The following PDE4D variants were observed in gnomAD, a reference collection of about 807,000 sequenced individuals.
PDE4D encodes the protein 3',5'-cyclic-AMP phosphodiesterase 4D.
Under a neutral mutation model 87.4 loss-of-function variants are expected in PDE4D, and 24 were observed. The ratio of observed to expected loss-of-function variants is 0.27; its 90% CI spans 0.20 to 0.39. PDE4D has a LOEUF of 0.39. Ranked by LOEUF, PDE4D falls within the 10% of genes least tolerant of loss-of-function variation. The pLI, the probability that PDE4D is intolerant of heterozygous loss-of-function variation, is 1.00. For missense variants in PDE4D, 714 were observed against 1,041.0 expected (o/e 0.69, Z 4.32); for synonymous variants, 384 against 383.2 (o/e 1.00, Z -0.02).
Position 59,108,202 on chromosome 5 carries a change from A to G in PDE4D, c.809-69231T>C, listed in dbSNP as rs116691352. Among the ~76,000 whole-genome samples, 746 of 152,348 alleles carry G rather than the reference A, an allele frequency of 4.9e-3. 6 individuals carry two copies. The highest frequency in any genetic ancestry group is 0.017 in the African/African-American group (715 of 41,570). On this transcript the variant is annotated intron_variant, in intron 5 of 14. Coordinates refer to ENST00000340635, the MANE Select transcript of PDE4D (RefSeq NM_001104631.2). The stretch of plus-strand genomic sequence containing the variant: ...GCCTTTTGATAAATACAAAATGCGT[A>G]AACCCAACTGGAGATTCAGATGTAG...
chr5:59,649,407 G>T (rs965488078), intron 1 of PDE4D, among the ~76,000 whole-genome samples: 12 of 152,112 alleles, frequency 7.9e-5, no homozygotes, highest in African/African-American at 2.7e-4. Flanking sequence ...AAACACGTCA[G>T]CAGGGCAGAG....
chr5:59,766,488 G>A (rs1014249916), intron 1 of PDE4D, among the ~76,000 whole-genome samples: 7 of 152,176 alleles, frequency 4.6e-5, no homozygotes, highest in African/African-American at 1.4e-4. Context: ...CTTACATCCC[G>A]ACATGTCTAA....
chr5:60,521,074 A>C (rs1375886551), intron 1 of PDE4D: 1 of 152,334 alleles, frequency 6.6e-6, no homozygotes, highest in Non-Finnish European at 1.5e-5. Context: ...CTCACAACCG[A>C]TTCCCCCACC....
chr5:60,491,668 A>G (rs1749539563), upstream of PDE4D: 1 of 152,212 alleles, frequency 6.6e-6, no homozygotes, highest in Non-Finnish European at 1.5e-5. Context: ...TGGCAATTAC[A>G]TTTAATAAGA....
chr5:59,394,852 A>G (rs374691), intron 1 of PDE4D, among the ~76,000 whole-genome samples: 63,440 of 151,474 alleles, frequency 0.42, 13,632 homozygotes, highest in East Asian at 0.49. Flanking sequence ...GCCAGACAGT[A>G]GGCGCAGGTC....
At chr5:59,925,542 GACT>G (rs1755161073) in intron 3 of PDE4D, among the ~76,000 whole-genome samples, 2 of 152,086 alleles carry the variant, frequency 1.3e-5, no homozygotes, top group East Asian at 3.8e-4. Flanking sequence ...AATATCAATG[GACT>G]AAACTCCCCA....
intron 2 of PDE4D, among the ~76,000 whole-genome samples, chr5:60,174,815 C>T (rs1283731451): frequency 1.3e-5 from 2 of 151,922 alleles, no homozygotes; most frequent in Non-Finnish European, 2.9e-5. Context: ...ATTTATCATT[C>T]CCTCCCTCTG....
chr5:59,523,448 A>G (rs1812574333), intron 1 of PDE4D, among the ~76,000 whole-genome samples: 1 of 152,182 alleles, frequency 6.6e-6, no homozygotes, highest in Non-Finnish European at 1.5e-5. Context: ...AGAGAGCTCC[A>G]TATCTGTGCT....
chr5:59,370,147 A>C (rs966398004), intron 1 of PDE4D, among the ~76,000 whole-genome samples: 1 of 152,146 alleles, frequency 6.6e-6, no homozygotes, highest in African/African-American at 2.4e-5. Flanking sequence ...AGGCTATTGC[A>C]GTGGCGTCAT....
At chr5:60,456,801 C>T (rs1178865798) in intron 1 of PDE4D, among the ~76,000 whole-genome samples, 5 of 152,124 alleles carry the variant, frequency 3.3e-5, no homozygotes, top group African/African-American at 7.2e-5. Context: ...CTTGTAATAC[C>T]TCATCCTGAC....
intron 1 of PDE4D, among the ~76,000 whole-genome samples, chr5:59,828,536 T>C (rs922464027): frequency 1.3e-5 from 2 of 152,066 alleles, no homozygotes; most frequent in African/African-American, 4.8e-5. Flanking sequence ...CTCTTTCAGA[T>C]TTGTCCTACG....
At position 59,655,839 on chromosome 5, in the gene PDE4D, G is replaced by A. The variant is rs140797821; in HGVS notation, c.455+237329C>T. On this transcript the variant is annotated intron_variant, in intron 1 of 14. Transcript: ENST00000340635. ...AAATCAAGATTTAAGCAGGCTAAGC[G>A]CTTCCAAATATTAAATAGATAGTTA... Among the ~76,000 whole-genome samples, 428 of 152,196 alleles carry A rather than the reference G, an allele frequency of 2.8e-3. 5 individuals are homozygous for A. Among genetic ancestry groups the A allele is most frequent in the African/African-American group, 9.8e-3 (409 of 41,526 alleles).
At chr5:59,683,731 A>C (rs1749411276) in intron 1 of PDE4D, among the ~76,000 whole-genome samples, 1 of 152,124 alleles carries the variant, frequency 6.6e-6, no homozygotes, top group Non-Finnish European at 1.5e-5. Flanking sequence ...TCAAAATGTG[A>C]TTTCTTCATT....
intron 1 of PDE4D, among the ~76,000 whole-genome samples, chr5:60,200,048 T>C (rs73759025): frequency 0.022 from 3,351 of 151,712 alleles, 163 homozygotes; most frequent in African/African-American, 0.078. Flanking sequence ...AAATGGCACA[T>C]GAACCAAAGT....
intron 1 of PDE4D, among the ~76,000 whole-genome samples, chr5:60,424,381 C>T (rs2150096417): frequency 6.6e-6 from 1 of 152,276 alleles, no homozygotes; most frequent in Non-Finnish European, 1.5e-5. Flanking sequence ...GTTCAACATG[C>T]TCAAATCAAT....
At chr5:58,999,681 A>G (rs1397396207) in intron 6 of PDE4D, 13 of 1,106,440 alleles carry the variant, frequency 1.2e-5, no homozygotes, top group Non-Finnish European at 1.4e-5. Flanking sequence ...AATTAAGTAT[A>G]CATAAGAAAG....
intron 1 of PDE4D, among the ~76,000 whole-genome samples, chr5:60,237,743 A>G (rs1379366127): frequency 6.6e-6 from 1 of 152,066 alleles, no homozygotes; most frequent in African/African-American, 2.4e-5. Context: ...AAAATGACAT[A>G]GAGCTACACA....
chr5:59,391,645 G>C (rs1788265200), intron 1 of PDE4D, among the ~76,000 whole-genome samples: 1 of 152,040 alleles, frequency 6.6e-6, no homozygotes, highest in South Asian at 2.1e-4. Flanking sequence ...AAGATGAATA[G>C]AGCTCTGAGT....
In PDE4D at chr5:59,093,620, AC is replaced by A. The variant is rs1769142639; in HGVS notation, c.809-54650del. On this transcript the variant is annotated intron_variant, in intron 5 of 14. Transcript: ENST00000340635. ...GAACAACCTATGATGCAACAGTGCA[AC>A]CCTACAGTTGACGAGCCCTATCCAT... 3.3e-5 allele frequency among the ~76,000 whole-genome samples: 5 copies of A among 151,828 alleles called. No homozygotes were observed. In the South Asian group the frequency reaches 8.3e-4, roughly 25 times the overall value.
Sources: gnomAD v4.1 joint callset for allele counts (sites outside exome capture counted in the v4.1 genomes callset) on GRCh38, gnomAD v4.1.1 for gene constraint, MANE v1.5 for transcripts, NCBI Gene and HGNC (gene_info 2026-07-23, HGNC 2026-07-21) for gene names.